Variants in SIPA1L2 observed in about 807,000 individuals in gnomAD.
SIPA1L2 encodes the protein signal induced proliferation associated 1 like 2, also known as signal-induced proliferation-associated 1-like protein 2.
Under a neutral mutation model 163.9 loss-of-function variants are expected in SIPA1L2, and 56 were observed. The ratio of observed to expected loss-of-function variants is 0.34; its 90% confidence interval spans 0.28 to 0.43. The LOEUF is 0.43. Among genes scored for constraint, SIPA1L2 ranks in the 20% least tolerant of loss-of-function variants. SIPA1L2 has a pLI of 1.00. For synonymous variants in SIPA1L2, 877 were observed against 865.7 expected (o/e 1.01, Z -0.23); for missense variants, 1,974 against 2,193.5 (o/e 0.90, Z 2.00).
At chr1:232,482,124 C>T (rs1292292700) in intron 6 of SIPA1L2, among the ~76,000 whole-genome samples, 4 of 152,176 alleles carry the variant, frequency 2.6e-5, no homozygotes, top group Non-Finnish European at 2.9e-5. Flanking sequence ...CTAGTTGTTA[C>T]GTTCTCATCT....
intron 2 of SIPA1L2, among the ~76,000 whole-genome samples, chr1:232,538,179 G>A (rs1445630714): frequency 1.3e-5 from 2 of 152,174 alleles, no homozygotes; most frequent in African/African-American, 2.4e-5. Context: ...GTGGGATCAC[G>A]GTCAGGCCAG....
At chr1:232,479,565 T>TC in intron 7 of SIPA1L2, 62 bp downstream of exon 7, 1 of 1,310,706 alleles carries the variant, frequency 7.6e-7, no homozygotes, top group Non-Finnish European at 1.1e-6. Context: ...ATCAATATCA[T>TC]CAGTGGGCCC....
At chr1:232,573,467 T>C (rs1329528653) in intron 2 of SIPA1L2, among the ~76,000 whole-genome samples, 2 of 152,124 alleles carry the variant, frequency 1.3e-5, no homozygotes, top group African/African-American at 2.4e-5. Flanking sequence ...TGCATTGTTG[T>C]GTAGACACAG....
chr1:232,524,914 A>G (rs1306477255), intron 2 of SIPA1L2, among the ~76,000 whole-genome samples: 2 of 152,166 alleles, frequency 1.3e-5, no homozygotes, highest in Admixed American at 1.3e-4. Context: ...ATGTAACTGT[A>G]TATGTATGCT....
chr1:232,563,068 G>A (rs1244415438), intron 2 of SIPA1L2, among the ~76,000 whole-genome samples: 2 of 152,086 alleles, frequency 1.3e-5, no homozygotes, highest in African/African-American at 2.4e-5. Flanking sequence ...TGAGGTGGGG[G>A]AGCCTCCTTG....
chr1:232,482,925 C>G (rs1037763786), intron 6 of SIPA1L2, among the ~76,000 whole-genome samples: 4 of 152,216 alleles, frequency 2.6e-5, no homozygotes, highest in African/African-American at 4.8e-5. Context: ...CAAGTTTAGA[C>G]TATCTGTTCA....
In SIPA1L2 at chr1:232,465,487, C is replaced by CGT; in HGVS notation, c.2244-72_2244-71insAC. On this transcript the variant is annotated intron_variant, in intron 8 of 22. Coordinates refer to ENST00000674635, the MANE Select transcript of SIPA1L2 (RefSeq NM_020808.5). This position sits in a 1 kb window ranked among gnomAD's most constrained non-coding sequence, Gnocchi z 4.1. ...ATAATATGTATCTTTCCGAATTTGA[C>CGT]ATATATATACACACACACACACATA... 8.5e-7 allele frequency: 1 copy of CGT among 1,178,440 alleles called. No homozygotes were observed. Among genetic ancestry groups the CGT allele is most frequent in the African/African-American group, 1.6e-5 (1 of 64,020 alleles). The allele number at this position is 1,178,440 out of a possible 1,614,324, so 73.0% of individuals were successfully genotyped here.
chr1:232,563,078 G>C (rs1451895315), intron 2 of SIPA1L2, among the ~76,000 whole-genome samples: 3 of 152,094 alleles, frequency 2.0e-5, no homozygotes, highest in African/African-American at 7.3e-5. Context: ...GAGCCTCCTT[G>C]TAGCTCAGCC....
intron 1 of SIPA1L2, among the ~76,000 whole-genome samples, chr1:232,574,816 G>A (rs904016886): frequency 6.6e-6 from 1 of 152,102 alleles, no homozygotes; most frequent in East Asian, 1.9e-4. Context: ...TGATAATGGC[G>A]ATGGTCAATA....
At chr1:232,399,601 A>T (rs1232241006) in intron 22 of SIPA1L2, among the ~76,000 whole-genome samples, 2 of 152,056 alleles carry the variant, frequency 1.3e-5, no homozygotes, top group Non-Finnish European at 2.9e-5. Context: ...TAAAGGTAAT[A>T]CCCTTTTGAC....
intron 2 of SIPA1L2, among the ~76,000 whole-genome samples, chr1:232,554,994 TA>T (rs11337635): frequency 0.21 from 32,603 of 152,110 alleles, 4,174 homozygotes; most frequent in East Asian, 0.58. Context: ...TAAAAGCAAA[TA>T]AACAAGAAAT....
intron 2 of SIPA1L2, among the ~76,000 whole-genome samples, chr1:232,565,945 C>T (rs547131904): frequency 6.6e-6 from 1 of 152,186 alleles, no homozygotes; most frequent in African/African-American, 2.4e-5. Flanking sequence ...TACCCTCCCA[C>T]TGAAATAGAC....
chr1:232,507,716 C>T (rs547128376), intron 3 of SIPA1L2, among the ~76,000 whole-genome samples: 1 of 152,308 alleles, frequency 6.6e-6, no homozygotes, highest in African/African-American at 2.4e-5. Context: ...GTAAAGCAAA[C>T]ACAGTCATTA....
chr1:232,490,759 G>A (rs2102993794), intron 5 of SIPA1L2, 115 bp downstream of exon 5: 4 of 1,106,632 alleles, frequency 3.6e-6, no homozygotes, highest in African/African-American at 1.6e-5. Context: ...AAGAGAAAAT[G>A]TTCTAAGGCA....
chr1:232,432,587 G>A (rs1343930495), intron 15 of SIPA1L2, 116 bp from the exon 16 acceptor site: 14 of 876,044 alleles, frequency 1.6e-5, no homozygotes, highest in Non-Finnish European at 2.3e-5. Context: ...GCAAAATCGG[G>A]CCCAGTGAGG....
chr1:232,530,372 C>G (rs1271578047), intron 2 of SIPA1L2, among the ~76,000 whole-genome samples: 1 of 152,104 alleles, frequency 6.6e-6, no homozygotes, highest in Non-Finnish European at 1.5e-5. Flanking sequence ...CCTCGGCCTC[C>G]CAAAGTGCTG....
At chr1:232,565,465 G>GCATCTTTGTGCCT (rs1558272286) in intron 2 of SIPA1L2, among the ~76,000 whole-genome samples, 1 of 152,188 alleles carries the variant, frequency 6.6e-6, no homozygotes, top group African/African-American at 2.4e-5. Context: ...AGTCCCTTAG[G>GCATCTTTGTGCCT]CATCTTTGTG....
Position 232,445,562 on chromosome 1 carries a change from G to A in SIPA1L2, c.3320C>T (p.Thr1107Ile), listed in dbSNP as rs771904133. 1.2e-6 allele frequency: 2 copies of A among 1,613,960 alleles called. No individual in the cohort carries two copies. Among genetic ancestry groups the A allele is most frequent in the Admixed American group, 3.3e-5 (2 of 60,024 alleles). The change falls in exon 11 of 23, where the codon ACC (threonine) becomes ATC (isoleucine). Residue 1107 changes from threonine to isoleucine, a missense_variant. Physicochemically the swap from Thr to Ile is moderately conservative, Grantham distance 89 (BLOSUM62 -1). This residue lies in a region of SIPA1L2 where 1,079 missense variants were observed against 1,150.7 expected (regional missense o/e 0.94). Coordinates refer to ENST00000674635, the MANE Select transcript of SIPA1L2 (RefSeq NM_020808.5). ...ATCGGGCAGCTTCCGGTCGAAGGAG[G>A]TGCTTCGAGGAATGGCAGCCTGGGC... The part of the protein sequence containing the change: ...QQAQAAIPRS[T>I]SFDRKLPDGT...
At position 232,398,734 on chromosome 1, in the gene SIPA1L2, T is replaced by G. The variant is rs1256458440; in HGVS notation, c.*393A>C. On this transcript the variant is annotated 3_prime_UTR_variant, in exon 23 of 23. Coordinates refer to ENST00000674635, the MANE Select transcript of SIPA1L2 (RefSeq NM_020808.5). The stretch of plus-strand genomic sequence containing the variant: ...TGTTCTCATGTTTATTTTACAATAC[T>G]AAAGCCCAAACTATGGTAAATTGCT... 1 of 169,010 alleles carries G rather than the reference T, an allele frequency of 5.9e-6. No individual in the cohort carries two copies. Among genetic ancestry groups the G allele is most frequent in the African/African-American group, 2.4e-5 (1 of 42,140 alleles). 10.5% of individuals were successfully genotyped at this position (169,010 alleles called of 1,614,324 possible). A position where few individuals can be genotyped will look rare whatever the true frequency, so the allele number is the denominator to read the frequency against.
Sources: allele counts gnomAD v4.1 joint callset (sites outside exome capture counted in the v4.1 genomes callset), GRCh38; gene constraint gnomAD v4.1.1; regional missense constraint gnomAD v4.1.1; non-coding constraint Gnocchi (gnomAD v3.1); transcripts MANE v1.5; gene names NCBI Gene and HGNC (gene_info 2026-07-23, HGNC 2026-07-21).